The following TECPR2 variants were observed in gnomAD, a reference collection of about 807,000 sequenced individuals.
The protein encoded by TECPR2 is tectonin beta-propeller repeat-containing protein 2.
In TECPR2, 65 loss-of-function variants were observed where a neutral mutation model predicts 138.1. That is an observed-to-expected ratio of 0.47 (90% CI 0.39 to 0.58). The LOEUF (loss-of-function observed/expected upper bound fraction) is 0.58. Ranked by LOEUF, TECPR2 falls within the 20% of genes least tolerant of loss-of-function variation. The pLI is 0.00. For synonymous variants in TECPR2, 746 were observed against 749.8 expected (o/e 0.99, Z 0.08); for missense variants, 1,553 against 1,824.5 (o/e 0.85, Z 2.71).
rs960770436 is a variant in TECPR2 at position 102,362,982 on chromosome 14, C to T, written c.-207C>T. The T allele has an allele frequency of 7.8e-6, 10 of 1,278,522 alleles. No individual in the cohort carries two copies. In the Admixed American group the frequency reaches 1.4e-4, roughly 18 times the overall value. 79.2% of individuals were successfully genotyped at this position (1,278,522 alleles called of 1,614,324 possible). A position where few individuals can be genotyped will look rare whatever the true frequency, so the allele number is the denominator to read the frequency against. ...CTCTAGCCCCCGGCGGAGCCAGCTG[C>T]TGCTCTTCGGTGCTGGCCCCGGTGC... On this transcript the variant is annotated 5_prime_UTR_variant, in exon 1 of 20. Coordinates refer to ENST00000359520, the MANE Select transcript of TECPR2 (RefSeq NM_014844.5).
At chr14:102,403,954 G>T (rs1888572347) in intron 2 of TECPR2, among the ~76,000 whole-genome samples, 1 of 152,138 alleles carries the variant, frequency 6.6e-6, no homozygotes, top group African/African-American at 2.4e-5. Context: ...CTGGAGTGCA[G>T]TGGCACAATC....
intron 1 of TECPR2, among the ~76,000 whole-genome samples, chr14:102,369,152 G>A (rs1221762185): frequency 3.3e-5 from 5 of 152,046 alleles, no homozygotes; most frequent in Non-Finnish European, 7.4e-5. Context: ...GACCTCCTAA[G>A]CCACCACAAA....
Position 102,367,448 on chromosome 14 carries a change from C to A in TECPR2, c.-73+4332C>A, listed in dbSNP as rs116462393. On this transcript the variant is annotated intron_variant, in intron 1 of 19. Coordinates refer to ENST00000359520, the MANE Select transcript of TECPR2 (RefSeq NM_014844.5). ...CTCCCAGCCCTGGGCAACCACTGAC[C>A]TACTCTGCCTACAGCTTGCCTATTC... Among the ~76,000 whole-genome samples the A allele has an allele frequency of 1.9e-3, 287 of 152,324 alleles. 2 individuals carry two copies. Among genetic ancestry groups the A allele is most frequent in the African/African-American group, 6.2e-3 (257 of 41,568 alleles).
chr14:102,498,210 G>T lies in TECPR2; in HGVS notation c.4189G>T (p.Ala1397Ser). 1.9e-6 allele frequency: 3 copies of T among 1,607,862 alleles called. No individual in the cohort carries two copies. Among genetic ancestry groups the T allele is most frequent in the Non-Finnish European group, 2.5e-6 (3 of 1,179,954 alleles). Residue 1397 changes from alanine to serine, a missense_variant, in exon 20 of 20, where the codon GCC becomes TCC. Transcript: ENST00000359520. ...SHGTQKSSQA[A>S]MPHPEDLEDE... ...CGGCACCCAGAAGAGCAGCCAGGCC[G>T]CCATGCCCCACCCTGAGGACCTGGA...
chr14:102,501,218 T>C lies in TECPR2; in HGVS notation c.*2961T>C, dbSNP rs1442215052. On this transcript the variant is annotated 3_prime_UTR_variant, in exon 20 of 20. Transcript: ENST00000359520. ...GGGGCATGGGGGGTGTCACAACTAA[T>C]GTGGCCACTGCTTCATTCTCTGGGC... 2 of 152,132 alleles carry C rather than the reference T, an allele frequency of 1.3e-5. No homozygotes were observed. The highest frequency in any genetic ancestry group is 2.9e-5 in the Non-Finnish European group (2 of 68,012). 9.4% of individuals were successfully genotyped at this position (152,132 alleles called of 1,614,324 possible). A position where few individuals can be genotyped will look rare whatever the true frequency, so the allele number is the denominator to read the frequency against.
At chr14:102,425,696 C>T (rs894922330) in intron 6 of TECPR2, among the ~76,000 whole-genome samples, 3 of 151,798 alleles carry the variant, frequency 2.0e-5, no homozygotes, top group African/African-American at 4.8e-5. Context: ...CTGCCTCAGC[C>T]TCCTGAGTAG....
chr14:102,379,345 G>A (rs34782557), intron 2 of TECPR2, among the ~76,000 whole-genome samples: 2,071 of 56,198 alleles, frequency 0.037, 35 homozygotes, highest in African/African-American at 0.12. Flanking sequence ...GCTAAAGATC[G>A]CTGTCTTAAA....
In TECPR2 at chr14:102,425,202, C is replaced by A; in HGVS notation, c.862C>A (p.His288Asn). ...NSGSCSLPER[H>N]LGLVSCFFQE... ...TGGAAGTTGCAGCTTACCTGAGAGG[C>A]ACCTGGGGCTTGTTTCATGTTTCTT... is the stretch of plus-strand genomic sequence containing the variant. Residue 288 changes from histidine (H) to asparagine (N), a missense_variant, in exon 6 of 20, where the codon CAC becomes AAC. His to Asn is a moderately conservative substitution (Grantham distance 68, BLOSUM62 1). Transcript: ENST00000359520. The A allele has an allele frequency of 6.2e-7, 1 of 1,614,098 alleles. No individual in the cohort carries two copies. The highest frequency in any genetic ancestry group is 1.1e-5 in the South Asian group (1 of 91,076).
In TECPR2 at chr14:102,363,958, T is replaced by C. The variant is rs140434272; in HGVS notation, c.-73+842T>C. The stretch of plus-strand genomic sequence containing the variant: ...TCTCTGACTTCTCATGACTTTAGTT[T>C]CTCCTTCTCTACCTCCATTTCTCTT... On this transcript the variant is annotated intron_variant, in intron 1 of 19. Coordinates refer to ENST00000359520, the MANE Select transcript of TECPR2 (RefSeq NM_014844.5). 1.3e-3 allele frequency among the ~76,000 whole-genome samples: 202 copies of C among 152,354 alleles called. 1 individual carries two copies. The highest frequency in any genetic ancestry group is 1.0e-2 in the Admixed American group (153 of 15,308).
intron 16 of TECPR2, among the ~76,000 whole-genome samples, chr14:102,457,023 G>T (rs1242969529): frequency 6.6e-6 from 1 of 152,174 alleles, no homozygotes; most frequent in Admixed American, 6.6e-5. Context: ...CAGGTGTTCA[G>T]TTATTAGGCT....
intron 16 of TECPR2, among the ~76,000 whole-genome samples, chr14:102,458,918 T>C (rs1890338988): frequency 6.7e-6 from 1 of 149,198 alleles, no homozygotes; most frequent in South Asian, 2.1e-4. Context: ...GAGCCTAATC[T>C]AGGCAACAGA....
intron 17 of TECPR2, among the ~76,000 whole-genome samples, chr14:102,481,814 G>A (rs997352729): frequency 4.6e-5 from 7 of 152,108 alleles, no homozygotes; most frequent in Admixed American, 2.0e-4. Flanking sequence ...GACTCTCTGC[G>A]GGAAGAGAAG....
At chr14:102,392,680 A>G (rs540573914) in intron 2 of TECPR2, among the ~76,000 whole-genome samples, 1 of 152,166 alleles carries the variant, frequency 6.6e-6, no homozygotes, top group African/African-American at 2.4e-5. Context: ...CTGCTTCCCT[A>G]TCGTAATTTC....
intron 6 of TECPR2, among the ~76,000 whole-genome samples, chr14:102,427,339 A>G (rs1889350463): frequency 6.6e-6 from 1 of 152,126 alleles, no homozygotes; most frequent in African/African-American, 2.4e-5. Context: ...GGTATAATTA[A>G]CTTCATTTTA....
At chr14:102,441,485 T>C (rs1889829034) in intron 11 of TECPR2, among the ~76,000 whole-genome samples, 2 of 148,542 alleles carry the variant, frequency 1.3e-5, no homozygotes, top group African/African-American at 5.0e-5. Context: ...AAGACCAACC[T>C]GGCCAACATG....
rs2139656538 is a variant in TECPR2, at chr14:102,376,748, A to G, written c.27A>G (p.Thr9=). Residue 9 remains threonine, a synonymous_variant, in exon 2 of 20, where the codon ACA becomes ACG. Coordinates refer to ENST00000359520, the MANE Select transcript of TECPR2 (RefSeq NM_014844.5). ...TGGCATCGATATCAGAGCCTGTTAC[A>G]TTCAGAGAGTTCTGCCCGTTGTACT... MASISEPV[T]FREFCPLYYL... The G allele has an allele frequency of 3.7e-6, 6 of 1,614,238 alleles. No individual in the cohort carries two copies. The highest frequency in any genetic ancestry group is 5.1e-6 in the Non-Finnish European group (6 of 1,180,044).
chr14:102,425,820 C>CGCCTTGGCCTCCCAAATTGCTGGGA (rs1889304357), intron 6 of TECPR2, among the ~76,000 whole-genome samples: 1 of 150,158 alleles, frequency 6.7e-6, no homozygotes, highest in Non-Finnish European at 1.5e-5. Flanking sequence ...GTGATCTGCC[C>CGCCTTGGCCTCCCAAATTGCTGGGA]GCCTTGGCCT....
chr14:102,414,824 A>C lies in TECPR2; in HGVS notation c.638+31A>C, dbSNP rs201374521. On this transcript the variant is annotated intron_variant, in intron 5 of 19. Coordinates refer to ENST00000359520, the MANE Select transcript of TECPR2 (RefSeq NM_014844.5). ...TTTCACAAGTTTGCCAGTTTGGCCTAAATGCTGGGCCTTGTTGTAGAAGGT... is the reference window on the plus strand; with the variant it reads ...TTTCACAAGTTTGCCAGTTTGGCCTCAATGCTGGGCCTTGTTGTAGAAGGT... 4 of 1,612,340 alleles carry C rather than the reference A, an allele frequency of 2.5e-6. No individual in the cohort carries two copies. In the Admixed American group the frequency reaches 6.7e-5, roughly 27 times the overall value.
rs959005327 is a variant in TECPR2 at position 102,414,764 on chromosome 14, A to G, written c.609A>G (p.Val203=). Residue 203 remains valine, a synonymous_variant, in exon 5 of 20, where the codon GTA becomes GTG. Coordinates refer to ENST00000359520, the MANE Select transcript of TECPR2 (RefSeq NM_014844.5). ...TCTTTTACACTGAAGAAAAGTCTGT[A>G]AGGCAAATTGGAACACAACCAAGGA... ...SLLFYTEEKS[V]RQIGTQPRKS... The G allele has an allele frequency of 1.9e-6, 3 of 1,614,112 alleles. No homozygotes were observed. The highest frequency in any genetic ancestry group is 1.7e-5 in the Admixed American group (1 of 60,006).
Sources: allele counts gnomAD v4.1 joint callset (sites outside exome capture counted in the v4.1 genomes callset), GRCh38; gene constraint gnomAD v4.1.1; transcripts MANE v1.5; gene names NCBI Gene and HGNC (gene_info 2026-07-23, HGNC 2026-07-21).